The following CABIN1 variants were observed in gnomAD, a reference collection of about 807,000 sequenced individuals.
CABIN1 encodes the protein calcineurin-binding protein cabin-1.
CABIN1 carries 133 observed loss-of-function variants against 227.7 expected under a neutral mutation model. That is an observed-to-expected ratio of 0.58 (90% CI 0.51 to 0.67). CABIN1 has a LOEUF of 0.67. Among genes scored for constraint, CABIN1 ranks in the 30% least tolerant of loss-of-function variants. The pLI, the probability that CABIN1 is intolerant of heterozygous loss-of-function variation, is 0.00. For synonymous variants in CABIN1, 1,086 were observed against 1,155.1 expected, an observed-to-expected ratio of 0.94 and a Z score of 1.21; for missense variants, 2,408 against 2,852.5, an observed-to-expected ratio of 0.84 and a Z score of 3.55.
chr22:24,096,372 A>T (rs1250959781), intron 25 of CABIN1, among the ~76,000 whole-genome samples: 2 of 152,164 alleles, frequency 1.3e-5, no homozygotes, highest in Non-Finnish European at 2.9e-5. Flanking sequence ...TGCCCTCTCC[A>T]CTGGGGCACA....
At chr22:24,054,647 C>T in intron 8 of CABIN1, among the ~76,000 whole-genome samples, 1 of 152,176 alleles carries the variant, frequency 6.6e-6, no homozygotes, top group East Asian at 1.9e-4. Flanking sequence ...AGGTGGATGC[C>T]AGGTCCCTGG....
intron 15 of CABIN1, among the ~76,000 whole-genome samples, 190 bp from the exon 16 acceptor site, chr22:24,066,797 A>C (rs1158615923): frequency 6.6e-6 from 1 of 152,232 alleles, no homozygotes; most frequent in African/African-American, 2.4e-5. Context: ...CCATTAATAG[A>C]AATACTTTTA....
At chr22:24,062,870 T>G in intron 13 of CABIN1, 89 bp from the exon 14 acceptor site, 3 of 1,253,722 alleles carry the variant, frequency 2.4e-6, no homozygotes, top group Non-Finnish European at 3.5e-6. Context: ...ATAGGGTGGG[T>G]GTGGTTAGGG....
intron 29 of CABIN1, chr22:24,156,697 T>C (rs931380467): frequency 9.8e-5 from 15 of 152,300 alleles, no homozygotes; most frequent in African/African-American, 2.9e-4. Context: ...CGGCCCGTTA[T>C]GTGCGCTGGG....
chr22:24,061,911 G>T, intron 12 of CABIN1, 36 bp from the exon 13 acceptor site: 1 of 1,517,540 alleles, frequency 6.6e-7, no homozygotes, highest in South Asian at 1.1e-5. Context: ...GAGGCTTTGT[G>T]ATACTGTTCT....
rs371829937 is a variant in CABIN1 at position 24,126,362 on chromosome 22, C to A, written c.4632+6664C>A. Reference sequence around the variant, plus strand: ...TTGGGAAGACCTGTCTAAGCAAGGACCTGAATCAAGTGAGGGAGCCCTGAT... The same window carrying A: ...TTGGGAAGACCTGTCTAAGCAAGGAACTGAATCAAGTGAGGGAGCCCTGAT... On this transcript the variant is annotated intron_variant, in intron 28 of 36. Transcript: ENST00000263119. 5.9e-4 allele frequency among the ~76,000 whole-genome samples: 90 copies of A among 152,232 alleles called. 1 individual carries two copies. In the South Asian group the frequency reaches 0.018, roughly 30 times the overall value.
rs1375133486 is a variant in CABIN1, at chr22:24,091,686, A to G, written c.3629A>G (p.Tyr1210Cys). 1 of 1,614,184 alleles carries G rather than the reference A, an allele frequency of 6.2e-7. No homozygotes were observed. The highest frequency in any genetic ancestry group is 1.7e-5 in the Admixed American group (1 of 60,030). The change falls in exon 24 of 37, where the codon TAC becomes TGC. Residue 1210 changes from tyrosine to cysteine, a missense_variant. Tyr to Cys is a radical substitution (Grantham distance 194, BLOSUM62 -2). Transcript: ENST00000263119. Reference sequence around the variant, plus strand: ...GACGAGGAGGAGTGGCTCATCCACTACATGCTGGGCAAGGTGGCTGAGAAG... The same window carrying G: ...GACGAGGAGGAGTGGCTCATCCACTGCATGCTGGGCAAGGTGGCTGAGAAG... Reference protein sequence around the residue: ...DGDEEEWLIHYMLGKVAEKQQ... With the variant: ...DGDEEEWLIHCMLGKVAEKQQ...
intron 8 of CABIN1, among the ~76,000 whole-genome samples, chr22:24,054,106 G>A (rs956317599): frequency 6.6e-6 from 1 of 152,224 alleles, no homozygotes; most frequent in Non-Finnish European, 1.5e-5. Context: ...AGGGGGTGGT[G>A]TGAGAGGAGG....
intron 29 of CABIN1, among the ~76,000 whole-genome samples, chr22:24,162,514 C>G (rs1009379373): frequency 6.6e-5 from 10 of 152,242 alleles, no homozygotes; most frequent in African/African-American, 1.9e-4. Context: ...TGAACAAGGG[C>G]ACACTAGCTG....
intron 1 of CABIN1, among the ~76,000 whole-genome samples, chr22:24,033,609 T>G (rs2036653469): frequency 6.6e-6 from 1 of 152,176 alleles, no homozygotes; most frequent in Non-Finnish European, 1.5e-5. Context: ...CTCCCTGACG[T>G]ATTTGGTAGT....
At chr22:24,054,754 TG>T in intron 8 of CABIN1, 118 bp from the exon 9 acceptor site, 1 of 1,245,752 alleles carries the variant, frequency 8.0e-7, no homozygotes, top group Non-Finnish European at 1.2e-6. Flanking sequence ...CCCACCCCCA[TG>T]GACATGGCAG....
chr22:24,050,274 A>G (rs1398555948), intron 7 of CABIN1, among the ~76,000 whole-genome samples: 1 of 152,182 alleles, frequency 6.6e-6, no homozygotes, highest in African/African-American at 2.4e-5. Context: ...AGATAAATTC[A>G]TGAGTAGCTC....
intron 29 of CABIN1, among the ~76,000 whole-genome samples, chr22:24,143,824 C>T (rs1347256088): frequency 6.6e-6 from 1 of 152,206 alleles, no homozygotes; most frequent in African/African-American, 2.4e-5. Context: ...CTTTTCTACC[C>T]TCTGCCCCCT....
intron 9 of CABIN1, among the ~76,000 whole-genome samples, chr22:24,055,384 C>T (rs369305294): frequency 3.3e-5 from 5 of 152,360 alleles, no homozygotes; most frequent in African/African-American, 9.6e-5. Flanking sequence ...GCTAGGAGGA[C>T]GGGGGATCAG....
intron 1 of CABIN1, among the ~76,000 whole-genome samples, chr22:24,013,578 G>C (rs2035009100): frequency 6.6e-6 from 1 of 152,122 alleles, no homozygotes; most frequent in Non-Finnish European, 1.5e-5. Context: ...CCTTCACCCT[G>C]CTTTCCCTAA....
intron 29 of CABIN1, among the ~76,000 whole-genome samples, chr22:24,142,486 C>CT (rs1475519525): frequency 1.3e-5 from 2 of 152,180 alleles, no homozygotes; most frequent in Non-Finnish European, 2.9e-5. Flanking sequence ...CCTGAGACAT[C>CT]TGTCTCCTGT....
intron 1 of CABIN1, among the ~76,000 whole-genome samples, chr22:24,019,063 A>T (rs931370309): frequency 2.7e-5 from 4 of 147,212 alleles, no homozygotes; most frequent in African/African-American, 7.6e-5. Flanking sequence ...GTTTGTATAT[A>T]TGAAGGCTAT....
At chr22:24,036,244 T>G (rs1351470017) in intron 3 of CABIN1, 63 bp downstream of exon 3, 2 of 1,169,598 alleles carry the variant, frequency 1.7e-6, no homozygotes, top group African/African-American at 3.0e-5. Context: ...GAACCTCATT[T>G]TAAATACATT....
chr22:24,150,488 G>A (rs550061025), intron 29 of CABIN1, among the ~76,000 whole-genome samples: 3 of 152,308 alleles, frequency 2.0e-5, no homozygotes, highest in African/African-American at 7.2e-5. Context: ...AGGGCTGCCT[G>A]CCACCACCAT....
Sources: gnomAD v4.1 joint callset for allele counts (sites outside exome capture counted in the v4.1 genomes callset) on GRCh38, gnomAD v4.1.1 for gene constraint, MANE v1.5 for transcripts, NCBI Gene and HGNC (gene_info 2026-07-23, HGNC 2026-07-21) for gene names.